RNF150: variants seen among roughly 807,000 people sequenced by gnomAD.
The protein encoded by RNF150 is ring finger protein 150.
In RNF150, 24 loss-of-function variants were observed where a neutral mutation model predicts 39.3. The observed-to-expected ratio is 0.61, with a 90% CI of 0.44 to 0.86. RNF150 has a LOEUF of 0.86. Ranked by LOEUF, RNF150 falls within the 40% of genes least tolerant of loss-of-function variation. The pLI, the probability that RNF150 is intolerant of heterozygous loss-of-function variation, is 0.00. For missense variants in RNF150, 502 were observed against 587.8 expected (o/e 0.85, Z 1.51); for synonymous variants, 255 against 227.3 (o/e 1.12, Z -1.10).
chr4:140,962,294 A>C (rs2111408748), intron 2 of RNF150, among the ~76,000 whole-genome samples: 1 of 152,082 alleles, frequency 6.6e-6, no homozygotes, highest in Admixed American at 6.6e-5. Context: ...AATTTTAATA[A>C]AATAAACTTT....
intron 1 of RNF150, among the ~76,000 whole-genome samples, chr4:141,147,892 A>C (rs1476122583): frequency 6.6e-6 from 1 of 152,220 alleles, no homozygotes; most frequent in Non-Finnish European, 1.5e-5. Context: ...TCATCTACTC[A>C]GAAATATGAG....
chr4:140,963,228 G>A lies in RNF150; in HGVS notation c.735+4395C>T, dbSNP rs545591224. Among the ~76,000 whole-genome samples the A allele has an allele frequency of 3.2e-3, 493 of 152,026 alleles. 5 individuals carry two copies. Among genetic ancestry groups the A allele is most frequent in the African/African-American group, 0.011 (476 of 41,532 alleles). ...CAGAAAATTTAAGCAGAGAATTTGC[G>A]ATAAAATTAATAGAAAAGGAAGAGA... On this transcript the variant is annotated intron_variant, in intron 2 of 6. Coordinates refer to ENST00000515673, the MANE Select transcript of RNF150 (RefSeq NM_020724.2).
intron 4 of RNF150, among the ~76,000 whole-genome samples, chr4:140,934,935 T>C (rs1226197861): frequency 6.8e-6 from 1 of 147,530 alleles, no homozygotes; most frequent in Non-Finnish European, 1.5e-5. Flanking sequence ...AATTAGACAT[T>C]ATATGCAAAA....
intron 1 of RNF150, among the ~76,000 whole-genome samples, chr4:141,120,646 G>C (rs1390616828): frequency 6.6e-6 from 1 of 152,156 alleles, no homozygotes; most frequent in African/African-American, 2.4e-5. Context: ...TGGAAAAAGA[G>C]GTTCCAAAGG....
At chr4:140,902,008 A>T (rs1730205897) in intron 6 of RNF150, among the ~76,000 whole-genome samples, 1 of 152,182 alleles carries the variant, frequency 6.6e-6, no homozygotes, top group South Asian at 2.1e-4. Flanking sequence ...ATTTTGTTAG[A>T]TTAGGCAGAT....
intron 1 of RNF150, among the ~76,000 whole-genome samples, chr4:141,103,544 A>G (rs1434956154): frequency 6.6e-6 from 1 of 152,206 alleles, no homozygotes; most frequent in Non-Finnish European, 1.5e-5. Flanking sequence ...ATCATGGATC[A>G]CTGGGATATT....
At chr4:141,168,934 A>T (rs1727649723) in intron 1 of RNF150, among the ~76,000 whole-genome samples, 1 of 152,192 alleles carries the variant, frequency 6.6e-6, no homozygotes, top group African/African-American at 2.4e-5. Context: ...CCCAGAACTT[A>T]AAGTATAATA....
At chr4:140,880,600 T>C (rs1436948644) in intron 6 of RNF150, among the ~76,000 whole-genome samples, 3 of 152,016 alleles carry the variant, frequency 2.0e-5, no homozygotes, top group East Asian at 3.9e-4. Flanking sequence ...CTTTTTTAAA[T>C]GTTTGGGATA....
At chr4:141,153,712 A>C (rs1353135646) in intron 1 of RNF150, among the ~76,000 whole-genome samples, 2 of 152,186 alleles carry the variant, frequency 1.3e-5, no homozygotes, top group Non-Finnish European at 1.5e-5. Context: ...AGAAGGATAT[A>C]AAGTTTCCAT....
At chr4:140,936,060 T>G (rs1202658192) in intron 4 of RNF150, among the ~76,000 whole-genome samples, 1 of 152,264 alleles carries the variant, frequency 6.6e-6, no homozygotes, top group Non-Finnish European at 1.5e-5. Flanking sequence ...GTCTAGCTTT[T>G]TAAATTCAAA....
intron 1 of RNF150, among the ~76,000 whole-genome samples, chr4:141,042,046 T>C (rs1325763968): frequency 1.3e-5 from 2 of 152,186 alleles, no homozygotes; most frequent in African/African-American, 2.4e-5. Flanking sequence ...CAATGAAAAG[T>C]TGATGATTCA....
chr4:141,078,404 A>C (rs1052274803), intron 1 of RNF150, among the ~76,000 whole-genome samples: 5 of 152,082 alleles, frequency 3.3e-5, no homozygotes, highest in African/African-American at 1.2e-4. Flanking sequence ...TTTGCAAGGG[A>C]AGGAAGATTT....
chr4:141,017,505 G>T (rs991249574), intron 1 of RNF150, among the ~76,000 whole-genome samples: 3 of 152,112 alleles, frequency 2.0e-5, no homozygotes, highest in Non-Finnish European at 4.4e-5. Flanking sequence ...ACTGGCACAT[G>T]ATTATCAACC....
intron 1 of RNF150, among the ~76,000 whole-genome samples, chr4:141,197,754 T>G (rs1050455842): frequency 6.6e-6 from 1 of 151,812 alleles, no homozygotes; most frequent in Non-Finnish European, 1.5e-5. Context: ...GGTGGGTACC[T>G]GTAGTCCCAG....
At chr4:141,056,406 A>G (rs918281454) in intron 1 of RNF150, among the ~76,000 whole-genome samples, 1 of 152,082 alleles carries the variant, frequency 6.6e-6, no homozygotes, top group Non-Finnish European at 1.5e-5. Context: ...TACAATTAAC[A>G]TAAATTTCAA....
chr4:141,094,512 G>A (rs908440958), intron 1 of RNF150, among the ~76,000 whole-genome samples: 6 of 152,250 alleles, frequency 3.9e-5, no homozygotes, highest in Non-Finnish European at 8.8e-5. Flanking sequence ...GCCAATCTCT[G>A]TAACATATTC....
At chr4:140,908,190 T>C (rs1166186347) in intron 6 of RNF150, among the ~76,000 whole-genome samples, 1 of 152,216 alleles carries the variant, frequency 6.6e-6, no homozygotes, top group African/African-American at 2.4e-5. Flanking sequence ...AGTCATGCAT[T>C]TGTGTTTGTT....
At chr4:141,036,931 T>C (rs551469851) in intron 1 of RNF150, among the ~76,000 whole-genome samples, 1 of 152,332 alleles carries the variant, frequency 6.6e-6, no homozygotes, top group Admixed American at 6.5e-5. Flanking sequence ...CTGCAAGTCA[T>C]GGACTGTTGA....
intron 1 of RNF150, among the ~76,000 whole-genome samples, chr4:141,009,664 A>G (rs1260358736): frequency 6.6e-6 from 1 of 152,244 alleles, no homozygotes; most frequent in Non-Finnish European, 1.5e-5. Context: ...AAGTCTACTT[A>G]ATTCAAATTG....
Sources: gnomAD v4.1 joint callset for allele counts (sites outside exome capture counted in the v4.1 genomes callset) on GRCh38, gnomAD v4.1.1 for gene constraint, MANE v1.5 for transcripts, NCBI Gene and HGNC (gene_info 2026-07-23, HGNC 2026-07-21) for gene names.